GOLM1: variants seen among roughly 807,000 people sequenced by gnomAD.
The protein encoded by GOLM1 is golgi membrane protein 1.
A neutral mutation model predicts 50.5 loss-of-function variants in GOLM1; 31 were observed. The observed-to-expected ratio is 0.61, with a 90% confidence interval of 0.46 to 0.83. The LOEUF is 0.83. GOLM1 is among the 40% of genes least tolerant of loss of function. GOLM1 has a pLI of 0.00. For missense variants in GOLM1, 491 were observed against 501.3 expected (o/e 0.98, Z 0.20); for synonymous variants, 178 against 192.8 (o/e 0.92, Z 0.64).
At chr9:86,098,764 G>A (rs1835429346) in intron 1 of GOLM1, among the ~76,000 whole-genome samples, 1 of 152,194 alleles carries the variant, frequency 6.6e-6, no homozygotes, top group Non-Finnish European at 1.5e-5. Flanking sequence ...GATCCTCCAC[G>A]TTGGCAAAGG....
At chr9:86,061,761 G>A (rs530877028) in intron 3 of GOLM1, among the ~76,000 whole-genome samples, 70 of 152,356 alleles carry the variant, frequency 4.6e-4, no homozygotes, top group African/African-American at 1.6e-3. Flanking sequence ...GGGTCAGAGT[G>A]TGAATGAGTG....
At chr9:86,090,901 G>A (rs986867195) in intron 1 of GOLM1, among the ~76,000 whole-genome samples, 1 of 152,048 alleles carries the variant, frequency 6.6e-6, no homozygotes, top group Admixed American at 6.6e-5. Flanking sequence ...GCACCTGAGG[G>A]TATCTCCTGG....
intron 3 of GOLM1, among the ~76,000 whole-genome samples, chr9:86,072,519 T>C (rs1230228305): frequency 6.6e-6 from 1 of 152,210 alleles, no homozygotes; most frequent in Non-Finnish European, 1.5e-5. Flanking sequence ...CTGGGTGAGA[T>C]GGCTATTCTG....
At position 86,035,735 on chromosome 9, in the gene GOLM1, A is replaced by G. The variant is rs370070893; in HGVS notation, c.758-110T>C. ...CTCAATTCCCAGAGCCTTCCCAAGG[A>G]GTGGGGGTGGGGTGGGCTGCACACA... On this transcript the variant is annotated intron_variant, in intron 7 of 9. Transcript: ENST00000388712. 1,462 of 1,022,904 alleles carry G rather than the reference A, an allele frequency of 1.4e-3. 40 individuals are homozygous for G. In the South Asian group the frequency reaches 0.022, roughly 15 times the overall value. The allele number at this position is 1,022,904 out of a possible 1,614,324, so 63.4% of individuals were successfully genotyped here.
intron 3 of GOLM1, among the ~76,000 whole-genome samples, chr9:86,072,030 A>C (rs946002288): frequency 2.0e-5 from 3 of 152,238 alleles, no homozygotes; most frequent in African/African-American, 7.2e-5. Context: ...AAGACCTCAA[A>C]AACAATGGTG....
At chr9:86,071,078 T>TACACAC (rs58612344) in intron 3 of GOLM1, among the ~76,000 whole-genome samples, 8,885 of 148,278 alleles carry the variant, frequency 0.06, 311 homozygotes, top group African/African-American at 0.11. Flanking sequence ...TATATACATG[T>TACACAC]ACACACACAC....
At position 86,080,355 on chromosome 9, in the gene GOLM1, C is replaced by CA. The variant is rs1469502321; in HGVS notation, c.-21-1015_-21-1014insT. 2.6e-5 allele frequency among the ~76,000 whole-genome samples: 4 copies of CA among 152,186 alleles called. No individual in the cohort carries two copies. The East Asian group carries it at 7.7e-4, about 29-fold the overall frequency. On this transcript the variant is annotated intron_variant, in intron 1 of 9. Transcript: ENST00000388712. The stretch of plus-strand genomic sequence containing the variant: ...AAGGAAAGTAGACTTTTCCAAATGG[C>CA]TTTTCCCAAGCCAGATAAAACAGAA...
At chr9:86,083,687 C>G (rs1294701640) in intron 1 of GOLM1, among the ~76,000 whole-genome samples, 1 of 152,228 alleles carries the variant, frequency 6.6e-6, no homozygotes, top group Non-Finnish European at 1.5e-5. Flanking sequence ...CATGCCCAGC[C>G]AGGCTTAAGT....
intron 1 of GOLM1, among the ~76,000 whole-genome samples, chr9:86,085,919 C>G (rs534666221): frequency 6.6e-6 from 1 of 152,234 alleles, no homozygotes; most frequent in East Asian, 1.9e-4. Context: ...CTATCGTGAA[C>G]AGTGCCGCAA....
intron 7 of GOLM1, 46 bp from the exon 8 acceptor site, chr9:86,035,671 T>TTTA: frequency 1.8e-5 from 16 of 872,640 alleles, no homozygotes; most frequent in Non-Finnish European, 2.5e-5. Context: ...GCATTTGATT[T>TTTA]AAAAAAAAAA....
intron 9 of GOLM1, among the ~76,000 whole-genome samples, chr9:86,030,241 AAGAAT>A (rs1564338730): frequency 1.3e-5 from 2 of 150,130 alleles, no homozygotes; most frequent in Non-Finnish European, 3.0e-5. Flanking sequence ...AAAAAAAAAA[AAGAAT>A]AGAAGTAAGA....
rs1339432810 is a variant in GOLM1 at position 86,026,443 on chromosome 9, T to C, written c.*1374A>G. The C allele has an allele frequency of 1.0e-6, 1 of 983,506 alleles. No homozygotes were observed. Among genetic ancestry groups the C allele is most frequent in the African/African-American group, 1.7e-5 (1 of 57,200 alleles). 60.9% of individuals were successfully genotyped at this position (983,506 alleles called of 1,614,324 possible). On this transcript the variant is annotated 3_prime_UTR_variant, in exon 10 of 10. Coordinates refer to ENST00000388712, the MANE Select transcript of GOLM1 (RefSeq NM_016548.4). ...GGGCCTGCTTCAGTGACTGTGTGCC[T>C]GTAGTCCCAGCTACTCGGGAGTCTG... is the stretch of plus-strand genomic sequence containing the variant.
Position 86,027,226 on chromosome 9 carries a change from A to C in GOLM1, c.*591T>G, listed in dbSNP as rs1832812959. 1 of 985,468 alleles carries C rather than the reference A, an allele frequency of 1.0e-6. No individual in the cohort carries two copies. The highest frequency in any genetic ancestry group is 1.7e-5 in the African/African-American group (1 of 57,382). 61.0% of individuals were successfully genotyped at this position (985,468 alleles called of 1,614,324 possible). A position where few individuals can be genotyped will look rare whatever the true frequency, so the allele number is the denominator to read the frequency against. On this transcript the variant is annotated 3_prime_UTR_variant, in exon 10 of 10. Transcript: ENST00000388712. ...GTAGCCTTTTAAAAAATTCTCACAC[A>C]GAACAGCTTTGTATTTAGACTTAAA...
intron 3 of GOLM1, among the ~76,000 whole-genome samples, chr9:86,072,346 A>G (rs1430275525): frequency 6.6e-6 from 1 of 152,206 alleles, no homozygotes; most frequent in Non-Finnish European, 1.5e-5. Flanking sequence ...CAGCTATTTC[A>G]TAAGAAAACC....
At chr9:86,037,438 CAAAAAAA>C (rs112398885) in intron 6 of GOLM1, among the ~76,000 whole-genome samples, 11 of 59,210 alleles carry the variant, frequency 1.9e-4, no homozygotes, top group Non-Finnish European at 4.1e-4. Context: ...GACTGTCTCT[CAAAAAAA>C]AAAAAAAAAA....
In GOLM1 at chr9:86,077,660, T is replaced by C; in HGVS notation, c.130-69A>G. On this transcript the variant is annotated intron_variant, in intron 2 of 9. Transcript: ENST00000388712. The stretch of plus-strand genomic sequence containing the variant: ...AGGAGCCTGGACCACCTGAGCGCCC[T>C]CCACAAAGACCACCTTGGGGCCCAG... The C allele has an allele frequency of 2.6e-6, 3 of 1,149,024 alleles. No homozygotes were observed. In the South Asian group the frequency reaches 3.9e-5, roughly 15 times the overall value. 71.2% of individuals were successfully genotyped at this position (1,149,024 alleles called of 1,614,324 possible). A position where few individuals can be genotyped will look rare whatever the true frequency, so the allele number is the denominator to read the frequency against.
At chr9:86,061,226 A>G (rs953105457) in intron 3 of GOLM1, among the ~76,000 whole-genome samples, 1 of 152,214 alleles carries the variant, frequency 6.6e-6, no homozygotes, top group Non-Finnish European at 1.5e-5. Context: ...TAAATCTGCC[A>G]AGTACAATTT....
intron 3 of GOLM1, among the ~76,000 whole-genome samples, chr9:86,066,642 T>C (rs1056730030): frequency 2.0e-5 from 3 of 152,246 alleles, no homozygotes; most frequent in African/African-American, 4.8e-5. Context: ...TCAAAGTGGA[T>C]GTGCAGCTGC....
chr9:86,077,301 A>T (rs1451367079), intron 3 of GOLM1, 111 bp downstream of exon 3: 4 of 835,362 alleles, frequency 4.8e-6, no homozygotes, highest in Non-Finnish European at 6.0e-6. Flanking sequence ...CTTTCCACAT[A>T]ATTACATAAA....
Sources: gnomAD v4.1 joint callset for allele counts (sites outside exome capture counted in the v4.1 genomes callset) on GRCh38, gnomAD v4.1.1 for gene constraint, MANE v1.5 for transcripts, NCBI Gene and HGNC (gene_info 2026-07-23, HGNC 2026-07-21) for gene names.